MYH7B: variants seen among roughly 807,000 people sequenced by gnomAD.
MYH7B encodes myosin heavy chain 7B.
A neutral mutation model predicts 234.5 loss-of-function variants in MYH7B; 205 were observed. The observed-to-expected ratio is 0.87, with a 90% CI of 0.78 to 0.98. MYH7B has a LOEUF of 0.98. Ranked by LOEUF, MYH7B falls within the 50% of genes least tolerant of loss-of-function variation. The pLI, the probability that MYH7B is intolerant of heterozygous loss-of-function variation, is 0.00. For missense variants in MYH7B, 2,652 were observed against 2,633.4 expected (o/e 1.01, Z -0.15); for synonymous variants, 1,193 against 1,105.0 (o/e 1.08, Z -1.58).
chr20:34,986,263 G>A, intron 14 of MYH7B, 65 bp downstream of exon 14: 1 of 1,313,750 alleles, frequency 7.6e-7, no homozygotes, highest in Non-Finnish European at 1.1e-6. Context: ...GCGCTTCCTG[G>A]CCCCCATCAG....
chr20:34,987,027 T>C (rs1448958092), intron 15 of MYH7B, 38 bp downstream of exon 15: 1 of 1,609,666 alleles, frequency 6.2e-7, no homozygotes, highest in South Asian at 1.1e-5. Flanking sequence ...TGTGGACGCC[T>C]GTGGTGGAAT....
At chr20:34,987,158 G>A (rs2082043413) in exon 16 of MYH7B, 1 of 1,613,292 alleles carries the variant, frequency 6.2e-7, no homozygotes, top group African/African-American at 1.3e-5. Flanking sequence ...GCATGCCATG[G>A]ACATCCTAGG....
At chr20:34,982,650 T>C (rs2081958621) in intron 10 of MYH7B, 95 bp downstream of exon 10, 2 of 1,127,766 alleles carry the variant, frequency 1.8e-6, no homozygotes, top group Admixed American at 2.8e-5. Flanking sequence ...TTTTTAAAAA[T>C]TTTACTCCCC....
At chr20:34,988,328 TGA>T in intron 19 of MYH7B, 66 bp downstream of exon 19, 1 of 1,532,822 alleles carries the variant, frequency 6.5e-7, no homozygotes, top group South Asian at 1.2e-5. Flanking sequence ...CAGGGATGGA[TGA>T]CCATGGCTTG....
At chr20:34,991,038 G>A (rs201319625) in exon 24 of MYH7B, 23 of 1,613,684 alleles carry the variant, frequency 1.4e-5, no homozygotes, top group Non-Finnish European at 1.8e-5. Flanking sequence ...TACACCAGCT[G>A]CGCTGCAATG....
intron 1 of MYH7B, among the ~76,000 whole-genome samples, chr20:34,957,799 T>C (rs75507897): frequency 0.014 from 2,069 of 152,276 alleles, 42 homozygotes; most frequent in African/African-American, 0.047. Context: ...CCCTTTTGAC[T>C]CTTTAAATAA....
chr20:34,957,925 T>C (rs972796147), intron 1 of MYH7B, among the ~76,000 whole-genome samples, 173 bp from the exon 2 acceptor site: 2 of 152,234 alleles, frequency 1.3e-5, no homozygotes, highest in Non-Finnish European at 2.9e-5. Flanking sequence ...GAACAATGTT[T>C]CCTGATGTCC....
chr20:34,973,214 C>T (rs549539414), intron 2 of MYH7B, among the ~76,000 whole-genome samples: 1 of 152,296 alleles, frequency 6.6e-6, no homozygotes, highest in African/African-American at 2.4e-5. Context: ...TCAAGTGATT[C>T]TCCCACCTTG....
chr20:34,961,282 G>A (rs1439044376), intron 2 of MYH7B, among the ~76,000 whole-genome samples: 1 of 152,140 alleles, frequency 6.6e-6, no homozygotes, highest in Non-Finnish European at 1.5e-5. Flanking sequence ...TTGATGCCCA[G>A]TAAATACTTT....
At chr20:34,990,643 A>C in intron 22 of MYH7B, 95 bp from the exon 23 acceptor site, 1 of 1,133,852 alleles carries the variant, frequency 8.8e-7, no homozygotes, top group Non-Finnish European at 1.3e-6. Flanking sequence ...CAGGGCACTT[A>C]GGGCCCTGCT....
chr20:34,998,470 C>T (rs78539018), intron 33 of MYH7B, 41 bp from the exon 34 acceptor site: 7 of 1,612,750 alleles, frequency 4.3e-6, no homozygotes, highest in African/African-American at 2.7e-5. Context: ...TTGGTGCAGC[C>T]CTCACCAGCC....
intron 18 of MYH7B, 44 bp downstream of exon 18, chr20:34,987,958 G>C: frequency 1.3e-6 from 2 of 1,560,072 alleles, no homozygotes; most frequent in South Asian, 2.5e-5. Context: ...CTCCAAGGTA[G>C]AGGACATGGG....
At chr20:34,974,066 A>G (rs1368977825) in intron 2 of MYH7B, among the ~76,000 whole-genome samples, 4 of 151,946 alleles carry the variant, frequency 2.6e-5, no homozygotes, top group African/African-American at 9.7e-5. Context: ...CTGGGATTAC[A>G]GGCGCCTGCC....
chr20:34,975,959 G>A (rs952337188), intron 3 of MYH7B, among the ~76,000 whole-genome samples: 6 of 152,140 alleles, frequency 3.9e-5, no homozygotes, highest in Admixed American at 6.5e-5. Flanking sequence ...CTCGTGATCC[G>A]CCCTCCTCGG....
chr20:34,986,627 G>C (rs548051710), intron 14 of MYH7B, among the ~76,000 whole-genome samples: 39 of 152,298 alleles, frequency 2.6e-4, no homozygotes, highest in African/African-American at 9.4e-4. Flanking sequence ...TGAGGACTGT[G>C]GCTCATTCCT....
intron 7 of MYH7B, 72 bp downstream of exon 7, chr20:34,979,876 G>A (rs1600421713): frequency 1.3e-6 from 2 of 1,541,250 alleles, no homozygotes; most frequent in Non-Finnish European, 1.8e-6. Flanking sequence ...GAGGTGCTGG[G>A]GGCGGGCCCA....
chr20:34,984,973 C>T (rs200299963), intron 12 of MYH7B, 27 bp downstream of exon 12: 352 of 1,610,132 alleles, frequency 2.2e-4, no homozygotes, highest in Middle Eastern at 1.7e-4. Context: ...GGAGGGGTGG[C>T]GGGGATGCCG....
exon 25 of MYH7B, chr20:34,993,176 T>G: frequency 6.2e-7 from 1 of 1,614,016 alleles, no homozygotes; most frequent in Non-Finnish European, 8.5e-7. Context: ...GAGAAACTGC[T>G]GGGCTCGCTG....
intron 36 of MYH7B, 52 bp downstream of exon 36, chr20:34,999,457 C>T: frequency 6.6e-7 from 1 of 1,522,010 alleles, no homozygotes; most frequent in Non-Finnish European, 8.8e-7. Flanking sequence ...GTCGGAGCAA[C>T]TTTGAGTTAT....
Sources: gnomAD v4.1 joint callset for allele counts (sites outside exome capture counted in the v4.1 genomes callset) on GRCh38, gnomAD v4.1.1 for gene constraint, MANE v1.5 for transcripts, NCBI Gene and HGNC (gene_info 2026-07-23, HGNC 2026-07-21) for gene names.